Variants in GRID1 observed in about 807,000 individuals in gnomAD.
GRID1 encodes glutamate receptor ionotropic, delta-1.
In GRID1, 28 loss-of-function variants were observed where a neutral mutation model predicts 98.0. The observed-to-expected ratio is 0.29, with a 90% CI of 0.21 to 0.39. GRID1 has a LOEUF of 0.39. Ranked by LOEUF, GRID1 falls within the 10% of genes least tolerant of loss-of-function variation. GRID1 has a pLI of 1.00. For synonymous variants in GRID1, 553 were observed against 538.5 expected, an observed-to-expected ratio of 1.03 and a Z score of -0.37; for missense variants, 1,111 against 1,340.5, an observed-to-expected ratio of 0.83 and a Z score of 2.67.
chr10:85,906,027 G>T (rs1841455820), intron 5 of GRID1, among the ~76,000 whole-genome samples: 1 of 151,840 alleles, frequency 6.6e-6, no homozygotes, highest in Non-Finnish European at 1.5e-5. Flanking sequence ...TAAACATAAA[G>T]AAACAAGTAT....
At chr10:85,655,574 T>C (rs1172778150) in intron 12 of GRID1, among the ~76,000 whole-genome samples, 2 of 152,214 alleles carry the variant, frequency 1.3e-5, no homozygotes, top group African/African-American at 4.8e-5. Context: ...AGCATGGTGA[T>C]TCTAACTTTA....
At chr10:85,828,471 T>G (rs1282817035) in intron 8 of GRID1, among the ~76,000 whole-genome samples, 1 of 151,226 alleles carries the variant, frequency 6.6e-6, no homozygotes, top group African/African-American at 2.4e-5. Flanking sequence ...AACCGAGATG[T>G]GAAAAACCAT....
intron 13 of GRID1, among the ~76,000 whole-genome samples, chr10:85,628,858 A>C (rs1842941310): frequency 6.6e-6 from 1 of 152,184 alleles, no homozygotes; most frequent in African/African-American, 2.4e-5. Flanking sequence ...ATGGGAGTGG[A>C]CAATGAGTTG....
intron 3 of GRID1, among the ~76,000 whole-genome samples, chr10:86,164,088 C>G (rs1039600161): frequency 1.3e-5 from 2 of 152,198 alleles, no homozygotes; most frequent in African/African-American, 4.8e-5. Flanking sequence ...AGCACTTTTG[C>G]CGGTGCACCA....
chr10:86,126,056 A>G (rs557792900), intron 4 of GRID1, among the ~76,000 whole-genome samples: 11 of 152,006 alleles, frequency 7.2e-5, no homozygotes, highest in African/African-American at 2.7e-4. Flanking sequence ...TTCAAGGGTC[A>G]ACTGCATGAG....
At chr10:85,627,910 T>C (rs1842930153) in intron 13 of GRID1, among the ~76,000 whole-genome samples, 1 of 152,130 alleles carries the variant, frequency 6.6e-6, no homozygotes, top group African/African-American at 2.4e-5. Context: ...TTCCTCCACC[T>C]ACTCCCCTCC....
chr10:86,342,778 C>T (rs1848328620), intron 2 of GRID1, among the ~76,000 whole-genome samples: 1 of 152,242 alleles, frequency 6.6e-6, no homozygotes, highest in Admixed American at 6.5e-5. Flanking sequence ...CAGCAGTGGG[C>T]AAACCCTGTG....
At chr10:86,013,419 A>G (rs1049112426) in intron 4 of GRID1, among the ~76,000 whole-genome samples, 1 of 152,264 alleles carries the variant, frequency 6.6e-6, no homozygotes, top group African/African-American at 2.4e-5. Flanking sequence ...GTAATGAGTT[A>G]TATAGATTGA....
chr10:86,012,364 A>AGC (rs1554846453), intron 4 of GRID1, among the ~76,000 whole-genome samples: 1 of 151,634 alleles, frequency 6.6e-6, no homozygotes, highest in African/African-American at 2.4e-5. Context: ...CCAGGAGTAA[A>AGC]GTACCTAGCA....
intron 2 of GRID1, among the ~76,000 whole-genome samples, chr10:86,222,286 A>G (rs1341361345): frequency 2.0e-5 from 3 of 152,014 alleles, no homozygotes; most frequent in African/African-American, 7.3e-5. Context: ...CAAGGGGCAC[A>G]CTCTGCCCAC....
chr10:85,943,408 C>G (rs1431682249), intron 4 of GRID1, among the ~76,000 whole-genome samples: 1 of 151,842 alleles, frequency 6.6e-6, no homozygotes, highest in African/African-American at 2.4e-5. Flanking sequence ...GAAAAAAATA[C>G]CAGAAACATA....
intron 3 of GRID1, among the ~76,000 whole-genome samples, chr10:86,151,030 C>T (rs1396668930): frequency 6.6e-5 from 10 of 152,300 alleles, no homozygotes; most frequent in Middle Eastern, 3.4e-3. Flanking sequence ...TCTAGCCAGG[C>T]ACTATGTGAA....
At chr10:86,006,463 A>G (rs186016382) in intron 4 of GRID1, among the ~76,000 whole-genome samples, 4 of 152,312 alleles carry the variant, frequency 2.6e-5, no homozygotes, top group Middle Eastern at 3.4e-3. Context: ...TACTAAAAGT[A>G]CAAAATTAGC....
At chr10:86,242,381 G>T (rs1313090864) in intron 2 of GRID1, among the ~76,000 whole-genome samples, 1 of 152,186 alleles carries the variant, frequency 6.6e-6, no homozygotes, top group Non-Finnish European at 1.5e-5. Context: ...CCCAGACGCT[G>T]ACCTTGAGAG....
At chr10:86,012,387 G>A (rs1842931952) in intron 4 of GRID1, among the ~76,000 whole-genome samples, 1 of 152,090 alleles carries the variant, frequency 6.6e-6, no homozygotes, top group South Asian at 2.1e-4. Flanking sequence ...TAGGTAATCG[G>A]CAGAGCCAGA....
chr10:85,959,298 C>T (rs983770295), intron 4 of GRID1, among the ~76,000 whole-genome samples: 1 of 152,234 alleles, frequency 6.6e-6, no homozygotes, highest in African/African-American at 2.4e-5. Flanking sequence ...CCTGGCCAAA[C>T]TGAACCCTCC....
intron 8 of GRID1, among the ~76,000 whole-genome samples, chr10:85,780,357 A>G (rs1424625001): frequency 6.6e-6 from 1 of 152,196 alleles, no homozygotes; most frequent in African/African-American, 2.4e-5. Flanking sequence ...ACCCAGGCCT[A>G]CCTGGAGGAG....
chr10:86,133,113 C>T (rs1418275326), intron 4 of GRID1, among the ~76,000 whole-genome samples: 1 of 152,224 alleles, frequency 6.6e-6, no homozygotes, highest in African/African-American at 2.4e-5. Context: ...CATTTCTTTT[C>T]CAAAGACAGA....
rs763898336 is a variant in GRID1 at position 85,647,226 on chromosome 10, G to A, written c.2169C>T (p.Ser723=). ...CCTTCCTGATGCCTTCTGAAGGACT[G>A]GACACGCAGTTGTCAGCCCCTCCGT... ...SKNGGADNCV[S]SPSEGIRKAK... The change falls in exon 13 of 16, where the codon TCC becomes TCT. Residue 723 remains serine, a synonymous_variant. Coordinates refer to ENST00000327946, the MANE Select transcript of GRID1 (RefSeq NM_017551.3). 1 of 1,614,204 alleles carries A rather than the reference G, an allele frequency of 6.2e-7. No homozygotes were observed. Among genetic ancestry groups the A allele is most frequent in the Non-Finnish European group, 8.5e-7 (1 of 1,180,000 alleles).
Sources: gnomAD v4.1 joint callset for allele counts (sites outside exome capture counted in the v4.1 genomes callset) on GRCh38, gnomAD v4.1.1 for gene constraint, MANE v1.5 for transcripts, NCBI Gene and HGNC (gene_info 2026-07-23, HGNC 2026-07-21) for gene names.